Variants in SOCS7 observed in about 807,000 individuals in gnomAD.
The protein encoded by SOCS7 is NAP-4.
SOCS7 carries 18 observed loss-of-function variants against 58.9 expected under a neutral mutation model. The observed-to-expected ratio is 0.31, with a 90% confidence interval of 0.21 to 0.45. SOCS7 has a LOEUF of 0.45. Among genes scored for constraint, SOCS7 ranks in the 20% least tolerant of loss-of-function variants. The pLI, the probability that SOCS7 is intolerant of heterozygous loss-of-function variation, is 1.00. For synonymous variants in SOCS7, 388 were observed against 364.3 expected, an observed-to-expected ratio of 1.06 and a Z score of -0.74; for missense variants, 667 against 837.3, an observed-to-expected ratio of 0.80 and a Z score of 2.51.
intron 7 of SOCS7, among the ~76,000 whole-genome samples, chr17:38,386,901 C>T (rs1195173915): frequency 2.0e-5 from 3 of 149,880 alleles, no homozygotes; most frequent in African/African-American, 4.9e-5. Context: ...CTGGCTAACA[C>T]GGTGAAACCC....
chr17:38,377,636 A>G, intron 6 of SOCS7, 78 bp from the exon 7 acceptor site: 2 of 1,388,906 alleles, frequency 1.4e-6, no homozygotes, highest in South Asian at 1.5e-5. Flanking sequence ...TGAGAATCAT[A>G]GTTAAAATAT....
intron 8 of SOCS7, 43 bp from the exon 9 acceptor site, chr17:38,395,805 G>A (rs1211476895): frequency 6.3e-7 from 1 of 1,591,930 alleles, no homozygotes; most frequent in Admixed American, 1.8e-5. Flanking sequence ...TTTATATTTT[G>A]TATAAAAACC....
chr17:38,394,917 G>A (rs2038225690), intron 7 of SOCS7, among the ~76,000 whole-genome samples: 2 of 152,170 alleles, frequency 1.3e-5, no homozygotes, highest in Admixed American at 1.3e-4. Flanking sequence ...GGGTACGATG[G>A]CATGCATCTG....
At chr17:38,390,018 C>A (rs925088683) in intron 7 of SOCS7, among the ~76,000 whole-genome samples, 5 of 147,846 alleles carry the variant, frequency 3.4e-5, no homozygotes, top group Non-Finnish European at 6.0e-5. Context: ...GCCTCCTGGC[C>A]TTAAGTGATC....
At chr17:38,387,102 AATATAT>A (rs71368482) in intron 7 of SOCS7, among the ~76,000 whole-genome samples, 5 of 51,138 alleles carry the variant, frequency 9.8e-5, no homozygotes, top group East Asian at 5.5e-4. Context: ...AAAAAAAAAA[AATATAT>A]ATATATATAT....
intron 6 of SOCS7, among the ~76,000 whole-genome samples, chr17:38,377,442 CT>C (rs1400840205): frequency 1.3e-5 from 2 of 152,150 alleles, no homozygotes; most frequent in Non-Finnish European, 2.9e-5. Context: ...ATCTGAAACA[CT>C]TCTGGTCTCA....
intron 4 of SOCS7, 25 bp downstream of exon 4, chr17:38,365,434 T>C (rs1555568173): frequency 6.7e-7 from 1 of 1,498,178 alleles, no homozygotes; most frequent in Non-Finnish European, 9.2e-7. Flanking sequence ...GAGGCAAGAC[T>C]TGTAAGAGTT....
chr17:38,374,811 A>G (rs1199409974), intron 6 of SOCS7, among the ~76,000 whole-genome samples: 35 of 152,268 alleles, frequency 2.3e-4, no homozygotes, highest in Admixed American at 2.1e-3. Flanking sequence ...AGTGCCAGAA[A>G]ACATTAATGT....
intron 7 of SOCS7, among the ~76,000 whole-genome samples, chr17:38,389,900 C>A (rs1220797414): frequency 5.0e-5 from 1 of 20,198 alleles, no homozygotes; most frequent in Non-Finnish European, 9.8e-5. Flanking sequence ...TATATATATA[C>A]ACATATAGAG....
At position 38,352,934 on chromosome 17, in the gene SOCS7, G is replaced by A. The variant is rs775594750; in HGVS notation, c.882G>A (p.Gly294=). 1.9e-6 allele frequency: 3 copies of A among 1,607,724 alleles called. No individual in the cohort carries two copies. Among genetic ancestry groups the A allele is most frequent in the Non-Finnish European group, 1.7e-6 (2 of 1,178,448 alleles). The change falls in exon 1 of 10, where the codon GGG becomes GGA. Residue 294 remains glycine, a synonymous_variant. Transcript: ENST00000612932. The surrounding 1 kb of genome is among the most constrained non-coding windows in gnomAD (Gnocchi z 5.5). The part of the protein sequence containing the change: ...TKSCNGGSGG[G]DGTGKRPSGE... ...GCTGCAACGGTGGCTCCGGCGGTGG[G>A]GATGGGACCGGCAAGAGGCCTTCTG...
chr17:38,370,067 A>C (rs891872151), intron 6 of SOCS7, among the ~76,000 whole-genome samples: 9 of 152,270 alleles, frequency 5.9e-5, no homozygotes, highest in Admixed American at 4.6e-4. Context: ...CTGGGATTAC[A>C]GGCGTGAGCC....
chr17:38,382,274 A>G (rs1204065070), intron 7 of SOCS7, among the ~76,000 whole-genome samples: 1 of 151,556 alleles, frequency 6.6e-6, no homozygotes, highest in Non-Finnish European at 1.5e-5. Flanking sequence ...CAAAAACAAA[A>G]CAAAACAAAA....
At chr17:38,388,512 A>G (rs764511500) in intron 7 of SOCS7, among the ~76,000 whole-genome samples, 16 of 151,966 alleles carry the variant, frequency 1.1e-4, no homozygotes, top group Non-Finnish European at 2.1e-4. Flanking sequence ...ACAGAACAAG[A>G]CTGTGTCTCA....
chr17:38,358,144 A>G (rs752477838), intron 1 of SOCS7, among the ~76,000 whole-genome samples: 1 of 152,170 alleles, frequency 6.6e-6, no homozygotes, highest in Non-Finnish European at 1.5e-5. Context: ...ACCAAATGCT[A>G]TTCTTTCCCA....
intron 2 of SOCS7, among the ~76,000 whole-genome samples, chr17:38,363,841 C>T (rs997000025): frequency 7.2e-5 from 11 of 152,054 alleles, no homozygotes; most frequent in Non-Finnish European, 1.0e-4. Flanking sequence ...GAAGGAACAC[C>T]GTAAGGGCTA....
chr17:38,384,383 C>T (rs1294197878), intron 7 of SOCS7, among the ~76,000 whole-genome samples: 1 of 152,096 alleles, frequency 6.6e-6, no homozygotes, highest in Non-Finnish European at 1.5e-5. Flanking sequence ...GCCTTGACCT[C>T]CCAGGCTCAA....
intron 7 of SOCS7, among the ~76,000 whole-genome samples, chr17:38,384,407 C>T (rs1216568904): frequency 6.6e-6 from 1 of 152,116 alleles, no homozygotes; most frequent in Non-Finnish European, 1.5e-5. Flanking sequence ...ATCCTCCCAC[C>T]TCAGCCTCCC....
At chr17:38,354,043 A>G (rs1273125795) in intron 1 of SOCS7, among the ~76,000 whole-genome samples, 4 of 152,160 alleles carry the variant, frequency 2.6e-5, no homozygotes, top group Non-Finnish European at 5.9e-5. Flanking sequence ...TTCCAAACAT[A>G]GACGTTGAGT....
chr17:38,362,309 C>T (rs773859220), intron 2 of SOCS7, among the ~76,000 whole-genome samples: 2 of 152,176 alleles, frequency 1.3e-5, no homozygotes, highest in Admixed American at 6.5e-5. Flanking sequence ...TGCCCTCTTG[C>T]AGCAGGGAAC....
Sources: allele counts gnomAD v4.1 joint callset (sites outside exome capture counted in the v4.1 genomes callset), GRCh38; gene constraint gnomAD v4.1.1; non-coding constraint Gnocchi (gnomAD v3.1); transcripts MANE v1.5; gene names NCBI Gene and HGNC (gene_info 2026-07-23, HGNC 2026-07-21).